A2M: variants seen among roughly 807,000 people sequenced by gnomAD.
A2M encodes the protein C3 and PZP-like alpha-2-macroglobulin domain-containing protein 5.
A2M carries 128 observed loss-of-function variants against 183.9 expected under a neutral mutation model. The observed-to-expected ratio is 0.70, with a 90% CI of 0.60 to 0.81. A2M has a LOEUF of 0.81. Among genes scored for constraint, A2M ranks in the 30% least tolerant of loss-of-function variants. The probability of loss-of-function intolerance (pLI) is 0.00; values close to 1 mark genes in which losing one functional copy is unlikely to be tolerated. For synonymous variants in A2M, 592 were observed against 670.8 expected (o/e 0.88, Z 1.81); for missense variants, 1,495 against 1,787.6 (o/e 0.84, Z 2.95).
chr12:9,108,463 T>C (rs1273420475), intron 7 of A2M, among the ~76,000 whole-genome samples: 1 of 152,184 alleles, frequency 6.6e-6, no homozygotes, highest in Admixed American at 6.5e-5. Flanking sequence ...GTGTCGTAAA[T>C]ATGTCATAGA....
In A2M at chr12:9,104,306, T is replaced by A; in HGVS notation, c.1199A>T (p.Asp400Val). The A allele has an allele frequency of 1.2e-6, 2 of 1,613,080 alleles. No homozygotes were observed. The highest frequency in any genetic ancestry group is 1.7e-6 in the Non-Finnish European group (2 of 1,179,508). ...EANYYSNATT[D>V]EHGLVQFSIN... ...AGAGAACTGTACAAGGCCATGCTCA[T>A]CCGTGGTAGCATTGGAGTAATAGTT... Residue 400 changes from aspartate (D) to valine (V), a missense_variant, in exon 11 of 36, where the codon GAT (aspartate) becomes GTT (valine). Physicochemically the swap from Asp to Val is radical, Grantham distance 152. Transcript: ENST00000318602.
chr12:9,102,509 C>A (rs1937956710), intron 11 of A2M, among the ~76,000 whole-genome samples: 1 of 152,148 alleles, frequency 6.6e-6, no homozygotes, highest in Non-Finnish European at 1.5e-5. Context: ...AGCTACCGTG[C>A]CTGGCCTAGG....
Position 9,109,916 on chromosome 12 carries a change from C to G in A2M, c.624G>C (p.Gln208His). 6.2e-7 allele frequency: 1 copy of G among 1,613,690 alleles called. No homozygotes were observed. Among genetic ancestry groups the G allele is most frequent in the Non-Finnish European group, 8.5e-7 (1 of 1,179,768 alleles). ...GCTCTGTCCTTCCACCTGATTTCTT[C>G]TGTACCACCACCTTGTAGGAGCCCT... ...PFQGSYKVVV[Q>H]KKSGGRTEHP... The change falls in exon 6 of 36, where the codon CAG becomes CAC. Residue 208 changes from glutamine to histidine, a missense_variant. Gln to His is a conservative substitution (Grantham distance 24). Coordinates refer to ENST00000318602, the MANE Select transcript of A2M (RefSeq NM_000014.6).
chr12:9,104,940 C>T (rs1003994348), intron 10 of A2M, among the ~76,000 whole-genome samples: 1 of 152,118 alleles, frequency 6.6e-6, no homozygotes, highest in Non-Finnish European at 1.5e-5. Flanking sequence ...TGTGTTTCTC[C>T]AGTTGCCTTA....
chr12:9,097,790 G>C (rs544515317), intron 15 of A2M, among the ~76,000 whole-genome samples: 1 of 151,974 alleles, frequency 6.6e-6, no homozygotes, highest in Non-Finnish European at 1.5e-5. Context: ...CCGCCACCAC[G>C]TCTGACTAAT....
intron 15 of A2M, among the ~76,000 whole-genome samples, chr12:9,096,951 T>C (rs894952564): frequency 2.0e-5 from 3 of 152,144 alleles, no homozygotes; most frequent in Non-Finnish European, 4.4e-5. Context: ...TGACCTACAC[T>C]AGTAGCAGCA....
chr12:9,111,691 G>A (rs1433675088), intron 4 of A2M, among the ~76,000 whole-genome samples: 1 of 152,100 alleles, frequency 6.6e-6, no homozygotes, highest in East Asian at 1.9e-4. Context: ...TGAAGACTTT[G>A]GGTTGATGTC....
chr12:9,069,606 C>T (rs1361292778), intron 33 of A2M, 139 bp downstream of exon 33: 3 of 562,256 alleles, frequency 5.3e-6, no homozygotes, highest in Non-Finnish European at 9.2e-6. Context: ...GAGAGAAGAA[C>T]ATTCTTTTAG....
At chr12:9,111,815 G>GA (rs975480068) in intron 4 of A2M, among the ~76,000 whole-genome samples, 74 of 152,224 alleles carry the variant, frequency 4.9e-4, no homozygotes, top group African/African-American at 1.7e-3. Context: ...GATGTGTATA[G>GA]AAAAAATCTA....
chr12:9,115,707 T>A, intron 1 of A2M, 57 bp downstream of exon 1: 1 of 1,309,348 alleles, frequency 7.6e-7, no homozygotes. Flanking sequence ...TAAAGAAAAA[T>A]CTGCAATAAA....
chr12:9,092,147 G>T (rs1405809760), intron 18 of A2M, among the ~76,000 whole-genome samples: 1 of 152,078 alleles, frequency 6.6e-6, no homozygotes, highest in African/African-American at 2.4e-5. Flanking sequence ...AGACTTACAG[G>T]AAGGCTGAAA....
rs1322671753 is a variant in A2M, at chr12:9,109,868, A to AAAT, written c.669_671dup (p.Glu223_Phe224insLeu). 3 of 1,595,672 alleles carry AAAT rather than the reference A, an allele frequency of 1.9e-6. No homozygotes were observed. In the African/African-American group the frequency reaches 4.1e-5, roughly 22 times the overall value. ...TTGATGACTTTTCATGATCCATACC[A>AAAT]AATTCCTCCACGGTGAAAGGGTGCT... On this transcript the variant is annotated inframe_insertion and splice_region_variant, in exon 6 of 36. Coordinates refer to ENST00000318602, the MANE Select transcript of A2M (RefSeq NM_000014.6).
At chr12:9,078,630 T>C (rs116942266) in intron 25 of A2M, among the ~76,000 whole-genome samples, 4,772 of 152,314 alleles carry the variant, frequency 0.031, 107 homozygotes, top group Middle Eastern at 0.061. Context: ...TCTTCCACAA[T>C]GGTTGAACAA....
chr12:9,094,453 G>A (rs930508306), intron 17 of A2M, among the ~76,000 whole-genome samples: 10 of 148,920 alleles, frequency 6.7e-5, no homozygotes, highest in Admixed American at 4.7e-4. Context: ...TAAAATATGC[G>A]GTAGGCTTCA....
intron 33 of A2M, chr12:9,069,072 T>G (rs184631997): frequency 5.1e-6 from 2 of 392,954 alleles, no homozygotes; most frequent in African/African-American, 4.1e-5. Flanking sequence ...AATACATAGC[T>G]CTGTTCATGG....
intron 13 of A2M, 41 bp from the exon 14 acceptor site, chr12:9,099,564 A>G: frequency 6.4e-7 from 1 of 1,574,616 alleles, no homozygotes; most frequent in Non-Finnish European, 8.6e-7. Context: ...TCATAGGTTA[A>G]TGACTATTTC....
chr12:9,105,239 A>G (rs1938193784), intron 10 of A2M, among the ~76,000 whole-genome samples: 1 of 152,316 alleles, frequency 6.6e-6, no homozygotes, highest in African/African-American at 2.4e-5. Flanking sequence ...TTTGCCAGTG[A>G]AATGTTGGCT....
rs1949273145 is a variant in A2M at position 9,093,516 on chromosome 12, G to A, written c.2189C>T (p.Thr730Ile). The change falls in exon 18 of 36, where the codon ACC becomes ATC. Residue 730 changes from threonine (T) to isoleucine (I), a missense_variant. By Grantham distance (89) the Thr-to-Ile change is moderately conservative (BLOSUM62 -1). Coordinates refer to ENST00000318602, the MANE Select transcript of A2M (RefSeq NM_000014.6). ...TGTCTCAGGGAAGTACTTTCGTACGGTCTCCGTGTGAGGCTCTTCAACATG... is the reference window on the plus strand; with the variant it reads ...TGTCTCAGGGAAGTACTTTCGTACGATCTCCGTGTGAGGCTCTTCAACATG... ...LVHVEEPHTE[T>I]VRKYFPETWI... 6 of 1,613,858 alleles carry A rather than the reference G, an allele frequency of 3.7e-6. No homozygotes were observed. Among genetic ancestry groups the A allele is most frequent in the Non-Finnish European group, 5.1e-6 (6 of 1,179,826 alleles).
chr12:9,100,961 G>A (rs764870801), intron 13 of A2M, among the ~76,000 whole-genome samples, 183 bp downstream of exon 13: 80 of 152,250 alleles, frequency 5.3e-4, no homozygotes, highest in African/African-American at 1.8e-3. Flanking sequence ...TATACTGCTC[G>A]GGTGATGGGT....
Sources: gnomAD v4.1 joint callset for allele counts (sites outside exome capture counted in the v4.1 genomes callset) on GRCh38, gnomAD v4.1.1 for gene constraint, MANE v1.5 for transcripts, NCBI Gene and HGNC (gene_info 2026-07-23, HGNC 2026-07-21) for gene names.